PRIM2: variants seen among roughly 807,000 people sequenced by gnomAD.
PRIM2 encodes DNA primase large subunit.
Under a neutral mutation model 67.3 loss-of-function variants are expected in PRIM2, and 39 were observed. That is an observed-to-expected ratio of 0.58 (90% confidence interval 0.45 to 0.76). The LOEUF is 0.76. Among genes scored for constraint, PRIM2 ranks in the 30% least tolerant of loss-of-function variants. The probability of loss-of-function intolerance (pLI) is 0.00; values close to 1 mark genes in which losing one functional copy is unlikely to be tolerated. For synonymous variants in PRIM2, 143 were observed against 198.7 expected (o/e 0.72, Z 2.36); for missense variants, 398 against 598.7 (o/e 0.66, Z 3.50).
chr6:57,534,772 C>G (rs1296619085), intron 9 of PRIM2, among the ~76,000 whole-genome samples: 2 of 152,192 alleles, frequency 1.3e-5, no homozygotes, highest in African/African-American at 4.8e-5. Flanking sequence ...TTGCTCTGGT[C>G]ACATGGATCT....
At chr6:57,444,743 G>T (rs968408832) in intron 7 of PRIM2, among the ~76,000 whole-genome samples, 1 of 152,054 alleles carries the variant, frequency 6.6e-6, no homozygotes, top group African/African-American at 2.4e-5. Context: ...ATTTACGAAG[G>T]TTATAAGAAG....
intron 8 of PRIM2, among the ~76,000 whole-genome samples, chr6:57,529,497 A>G (rs1386233244): frequency 6.6e-6 from 1 of 152,156 alleles, no homozygotes; most frequent in East Asian, 1.9e-4. Context: ...CTAAAACATT[A>G]AAGTTAAATG....
At chr6:57,221,914 A>T in the PRIM2 span, 1 of 152,388 alleles carries the variant, frequency 6.6e-6, no homozygotes, top group African/African-American at 2.4e-5. Flanking sequence ...ACAACCCGGG[A>T]CCCCGGGGAG....
intron 7 of PRIM2, 170 bp downstream of exon 7, chr6:57,382,338 T>C: frequency 1.4e-6 from 1 of 733,688 alleles, no homozygotes; most frequent in Admixed American, 3.6e-5. Flanking sequence ...AGGTTTTTAT[T>C]TGTTACTATC....
At chr6:57,299,235 A>G in the PRIM2 span, among the ~76,000 whole-genome samples, 1 of 152,180 alleles carries the variant, frequency 6.6e-6, no homozygotes, top group East Asian at 1.9e-4. Flanking sequence ...TCCAAATTTT[A>G]TGATTTTATG....
At chr6:57,434,069 C>T (rs1352803057) in intron 7 of PRIM2, among the ~76,000 whole-genome samples, 4 of 151,872 alleles carry the variant, frequency 2.6e-5, no homozygotes, top group Non-Finnish European at 4.4e-5. Context: ...GGATTACAAG[C>T]GTGCGCCACC....
intron 7 of PRIM2, among the ~76,000 whole-genome samples, chr6:57,495,640 A>T (rs1274911608): frequency 2.0e-5 from 3 of 152,180 alleles, no homozygotes; most frequent in Non-Finnish European, 4.4e-5. Flanking sequence ...CTTCAAGTGC[A>T]TTTCCAAGGA....
upstream of PRIM2, among the ~76,000 whole-genome samples, chr6:57,312,298 C>G (rs563345709): frequency 6.6e-6 from 1 of 151,950 alleles, no homozygotes; most frequent in African/African-American, 2.4e-5. Context: ...TCCAGAAGTT[C>G]AAGACCAGCC....
chr6:57,251,392 G>A, the PRIM2 span, among the ~76,000 whole-genome samples: 9 of 152,294 alleles, frequency 5.9e-5, no homozygotes, highest in South Asian at 2.1e-4. Context: ...TGCTGTGTCC[G>A]TCTAATGCAG....
At chr6:57,475,103 A>G (rs1421619478) in intron 7 of PRIM2, among the ~76,000 whole-genome samples, 1 of 152,218 alleles carries the variant, frequency 6.6e-6, no homozygotes, top group Non-Finnish European at 1.5e-5. Context: ...CCTATGGAGA[A>G]CAATTAATAT....
At chr6:57,399,237 G>C (rs1046417919) in intron 7 of PRIM2, among the ~76,000 whole-genome samples, 1 of 152,136 alleles carries the variant, frequency 6.6e-6, no homozygotes, top group Non-Finnish European at 1.5e-5. Context: ...TCCCCACCCT[G>C]TGTCCAAGTG....
At chr6:57,341,057 C>T (rs1030677782) in intron 5 of PRIM2, among the ~76,000 whole-genome samples, 8 of 152,084 alleles carry the variant, frequency 5.3e-5, no homozygotes, top group Non-Finnish European at 1.0e-4. Flanking sequence ...TGAACCTGTG[C>T]ATTAAAGTAA....
the PRIM2 span, among the ~76,000 whole-genome samples, chr6:57,284,574 A>G: frequency 6.6e-6 from 1 of 152,276 alleles, no homozygotes; most frequent in Admixed American, 6.5e-5. Flanking sequence ...TCATTTACCT[A>G]ATCTCACTTT....
At chr6:57,638,895 G>T (rs1228218242) in intron 13 of PRIM2, among the ~76,000 whole-genome samples, 1 of 151,988 alleles carries the variant, frequency 6.6e-6, no homozygotes, top group Non-Finnish European at 1.5e-5. Flanking sequence ...CTCAGCTCTG[G>T]ACCAAGTGGA....
At chr6:57,291,530 C>A in the PRIM2 span, among the ~76,000 whole-genome samples, 1 of 152,144 alleles carries the variant, frequency 6.6e-6, no homozygotes, top group Non-Finnish European at 1.5e-5. Context: ...CAAAGCCTCA[C>A]AGAGACACAC....
chr6:57,466,449 G>A (rs1773194981), intron 7 of PRIM2, among the ~76,000 whole-genome samples: 2 of 152,296 alleles, frequency 1.3e-5, no homozygotes, highest in South Asian at 2.1e-4. Context: ...CAGTGTAAAA[G>A]CGTTCCTATT....
intron 7 of PRIM2, among the ~76,000 whole-genome samples, chr6:57,484,877 A>G (rs1773717553): frequency 2.6e-5 from 4 of 152,058 alleles, no homozygotes; most frequent in Admixed American, 2.6e-4. Context: ...TCATTATAGC[A>G]GTTAATTATA....
At chr6:57,605,216 A>G (rs1396340592) in intron 11 of PRIM2, among the ~76,000 whole-genome samples, 379 of 152,246 alleles carry the variant, frequency 2.5e-3, no homozygotes, top group South Asian at 0.012. Context: ...CATCAGAGAT[A>G]TTGGCCAGAA....
the PRIM2 span, among the ~76,000 whole-genome samples, chr6:57,264,573 TAA>T: frequency 6.6e-6 from 1 of 151,260 alleles, no homozygotes; most frequent in South Asian, 2.1e-4. Context: ...AGGGGTGATT[TAA>T]ACTTGTAAAA....
Sources: gnomAD v4.1 joint callset for allele counts (sites outside exome capture counted in the v4.1 genomes callset) on GRCh38, gnomAD v4.1.1 for gene constraint, MANE v1.5 for transcripts, NCBI Gene and HGNC (gene_info 2026-07-23, HGNC 2026-07-21) for gene names.